Variants in PAXIP1 observed in about 807,000 individuals in gnomAD.
PAXIP1 encodes the protein PAX interacting protein 1.
A neutral mutation model predicts 140.6 loss-of-function variants in PAXIP1; 19 were observed. The observed-to-expected ratio is 0.14, with a 90% CI of 0.09 to 0.20. The LOEUF (loss-of-function observed/expected upper bound fraction) is 0.20, where lower values mean the gene tolerates loss of function less well. Among genes scored for constraint, PAXIP1 ranks in the 10% least tolerant of loss-of-function variants. The pLI, the probability that PAXIP1 is intolerant of heterozygous loss-of-function variation, is 1.00. For synonymous variants in PAXIP1, 442 were observed against 444.6 expected (o/e 0.99, Z 0.07); for missense variants, 920 against 1,208.6 (o/e 0.76, Z 3.54).
rs1200968472 is a variant in PAXIP1, at chr7:154,969,043, T to C, written c.1158A>G (p.Ala386=). The change falls in exon 7 of 21, where the codon GCA becomes GCG. Residue 386 remains alanine (A), a synonymous_variant. Transcript: ENST00000404141. ...TCACTTTCACTTGGCTAAACAGCAC[T>C]GCATTGGCATTTGTATGTCCCTGCT... The part of the protein sequence containing the change: ...HSQQGHTNAN[A]VLFSQVKVTP... 6.5e-7 allele frequency: 1 copy of C among 1,540,964 alleles called. No individual in the cohort carries two copies. Among genetic ancestry groups the C allele is most frequent in the Non-Finnish European group, 8.8e-7 (1 of 1,139,784 alleles).
chr7:154,971,166 G>T (rs1809299961), intron 6 of PAXIP1, among the ~76,000 whole-genome samples: 1 of 152,244 alleles, frequency 6.6e-6, no homozygotes, highest in African/African-American at 2.4e-5. Context: ...TCTGATCTCA[G>T]AGGGCTGAGG....
At chr7:154,987,188 T>C (rs405243) in intron 4 of PAXIP1, among the ~76,000 whole-genome samples, 97,047 of 152,024 alleles carry the variant, frequency 0.64, 31,190 homozygotes, top group Admixed American at 0.72. Flanking sequence ...TTAGACCCCT[T>C]AGCCTGTGTG....
intron 4 of PAXIP1, 84 bp downstream of exon 4, chr7:154,990,922 G>T: frequency 1.4e-6 from 1 of 730,894 alleles, no homozygotes; most frequent in Non-Finnish European, 2.3e-6. Flanking sequence ...CTCTAAAACT[G>T]GTTAACAGGT....
At position 154,963,532 on chromosome 7, in the gene PAXIP1, G is replaced by A. The variant is rs1031352803; in HGVS notation, c.1989+139C>T. ...AAGATATCAATCCCACCAAAGATTC[G>A]ATCACAGGAAGAAGGAATTTTCCTA... On this transcript the variant is annotated intron_variant, in intron 9 of 20. Coordinates refer to ENST00000404141, the MANE Select transcript of PAXIP1 (RefSeq NM_007349.4). The surrounding 1 kb of genome is among the most constrained non-coding windows in gnomAD (Gnocchi z 4.1). 9.7e-6 allele frequency: 6 copies of A among 616,476 alleles called. No individual in the cohort carries two copies. Among genetic ancestry groups the A allele is most frequent in the Middle Eastern group, 4.4e-4 (1 of 2,282 alleles). The allele number at this position is 616,476 out of a possible 1,614,324, so 38.2% of individuals were successfully genotyped here. A position where few individuals can be genotyped will look rare whatever the true frequency, so the allele number is the denominator to read the frequency against.
At position 154,954,450 on chromosome 7, in the gene PAXIP1, ATG is replaced by A; in HGVS notation, c.2653-29_2653-28del. The A allele has an allele frequency of 6.9e-7, 1 of 1,455,610 alleles. No individual in the cohort carries two copies. The highest frequency in any genetic ancestry group is 1.4e-5 in the African/African-American group (1 of 70,652). 90.2% of individuals were successfully genotyped at this position (1,455,610 alleles called of 1,614,324 possible). On this transcript the variant is annotated intron_variant, in intron 15 of 20. Coordinates refer to ENST00000404141, the MANE Select transcript of PAXIP1 (RefSeq NM_007349.4). This position sits in a 1 kb window ranked among gnomAD's most constrained non-coding sequence, Gnocchi z 5.1. Reference sequence around the variant, plus strand: ...TAAAGGTCACAAACACAGGTCGGAAATGAAAAAGTTCAGCATCCACAGAGCCA... The same window carrying A: ...TAAAGGTCACAAACACAGGTCGGAAAAAAAAGTTCAGCATCCACAGAGCCA...
At chr7:155,000,542 C>T (rs1022947197) in intron 1 of PAXIP1, 1 of 152,332 alleles carries the variant, frequency 6.6e-6, no homozygotes, top group South Asian at 2.1e-4. Context: ...GGCACCTTCT[C>T]TATTTCCTTC....
chr7:154,972,266 C>T (rs558694776), intron 6 of PAXIP1, among the ~76,000 whole-genome samples: 15 of 152,330 alleles, frequency 9.8e-5, no homozygotes, highest in Admixed American at 9.2e-4. Flanking sequence ...GTAGGCAGAT[C>T]ACCTGAAGTC....
chr7:154,972,822 C>G (rs912632968), intron 6 of PAXIP1, among the ~76,000 whole-genome samples: 2 of 152,250 alleles, frequency 1.3e-5, no homozygotes, highest in African/African-American at 4.8e-5. Flanking sequence ...TCCACCTCAG[C>G]AGTATCATCA....
intron 2 of PAXIP1, among the ~76,000 whole-genome samples, chr7:154,998,070 G>T (rs1810721261): frequency 6.6e-6 from 1 of 152,200 alleles, no homozygotes; most frequent in African/African-American, 2.4e-5. Flanking sequence ...GACGAGTTCT[G>T]CAGCAGGCAT....
chr7:154,955,679 C>T, intron 14 of PAXIP1, 48 bp from the exon 15 acceptor site: 2 of 1,057,370 alleles, frequency 1.9e-6, no homozygotes, highest in East Asian at 2.7e-5. Context: ...TATTTACTTA[C>T]AATGAAAATT....
intron 20 of PAXIP1, chr7:154,944,735 A>G (rs1330747828): frequency 1.3e-5 from 2 of 152,316 alleles, no homozygotes; most frequent in African/African-American, 4.8e-5. Context: ...AGTCTGGAAA[A>G]AATGCAAGAG....
chr7:154,953,174 C>T (rs1319801784), intron 16 of PAXIP1, among the ~76,000 whole-genome samples: 3 of 152,152 alleles, frequency 2.0e-5, no homozygotes, highest in Non-Finnish European at 2.9e-5. Context: ...GACCTAGTAG[C>T]GCCCCCTGCA....
At chr7:154,969,290 T>C (rs1386920705) in intron 6 of PAXIP1, among the ~76,000 whole-genome samples, 164 bp from the exon 7 acceptor site, 1 of 152,274 alleles carries the variant, frequency 6.6e-6, no homozygotes, top group East Asian at 1.9e-4. Context: ...TTTTCTTTTG[T>C]ATTTATTTTG....
At chr7:154,991,311 A>C (rs558865937) in intron 3 of PAXIP1, among the ~76,000 whole-genome samples, 88 of 152,360 alleles carry the variant, frequency 5.8e-4, no homozygotes, top group African/African-American at 2.1e-3. Context: ...TCATAAATCA[A>C]ATAGGCAAAG....
intron 17 of PAXIP1, chr7:154,947,547 GAAGT>G (rs1563358570): frequency 4.8e-6 from 1 of 206,944 alleles, no homozygotes; most frequent in Non-Finnish European, 9.9e-6. Flanking sequence ...ACAATAGTAC[GAAGT>G]AAGCGATGTC....
intron 4 of PAXIP1, among the ~76,000 whole-genome samples, chr7:154,984,440 A>G (rs1187048189): frequency 6.6e-6 from 1 of 152,252 alleles, no homozygotes; most frequent in African/African-American, 2.4e-5. Context: ...TATTGATAAT[A>G]GCATGTTAAT....
chr7:154,972,672 A>G (rs1164795093), intron 6 of PAXIP1, among the ~76,000 whole-genome samples: 1 of 152,234 alleles, frequency 6.6e-6, no homozygotes, highest in Non-Finnish European at 1.5e-5. Flanking sequence ...GAAGTGCCAG[A>G]GGCTTAATCC....
At chr7:154,968,026 G>T in intron 7 of PAXIP1, 116 bp from the exon 8 acceptor site, 1 of 651,234 alleles carries the variant, frequency 1.5e-6, no homozygotes, top group African/African-American at 1.8e-5. Flanking sequence ...TCTTGACCAT[G>T]ACGTATCTGC....
In PAXIP1 at chr7:154,956,426, A is replaced by T. The variant is rs1356305796; in HGVS notation, c.2550-795T>A. 6.6e-6 allele frequency: 1 copy of T among 152,188 alleles called. No homozygotes were observed. Among genetic ancestry groups the T allele is most frequent in the Non-Finnish European group, 1.5e-5 (1 of 68,036 alleles). The allele number at this position is 152,188 out of a possible 1,614,324, so 9.4% of individuals were successfully genotyped here. A position where few individuals can be genotyped will look rare whatever the true frequency, so the allele number is the denominator to read the frequency against. On this transcript the variant is annotated intron_variant, in intron 14 of 20. Transcript: ENST00000404141. The surrounding 1 kb of genome is among the most constrained non-coding windows in gnomAD (Gnocchi z 4.2). ...GATGAGGAACCTGGTAACTGCAAAA[A>T]ACAATTCAAGCAGTTATATTTCACC...
Sources: gnomAD v4.1 joint callset for allele counts (sites outside exome capture counted in the v4.1 genomes callset) on GRCh38, gnomAD v4.1.1 for gene constraint, Gnocchi (gnomAD v3.1) non-coding constraint, MANE v1.5 for transcripts, NCBI Gene and HGNC (gene_info 2026-07-23, HGNC 2026-07-21) for gene names.